The following CEP128 variants were observed in gnomAD, a reference collection of about 807,000 sequenced individuals.
CEP128 encodes centrosomal protein 128, also known as centrosomal protein 128kDa.
Under a neutral mutation model 156.7 loss-of-function variants are expected in CEP128, and 132 were observed. The ratio of observed to expected loss-of-function variants is 0.84; its 90% CI spans 0.73 to 0.97. CEP128 has a LOEUF of 0.97. CEP128 is among the 50% of genes least tolerant of loss of function. The pLI is 0.00. For missense variants in CEP128, 1,252 were observed against 1,281.9 expected (o/e 0.98, Z 0.36); for synonymous variants, 469 against 448.9 (o/e 1.04, Z -0.57).
chr14:80,725,019 GATAT>G (rs563908140), intron 19 of CEP128, among the ~76,000 whole-genome samples: 2 of 138,840 alleles, frequency 1.4e-5, no homozygotes, highest in South Asian at 2.3e-4. Flanking sequence ...ATACATATAT[GATAT>G]ATATATATAT....
At chr14:80,559,118 C>T (rs1406950606) in intron 21 of CEP128, among the ~76,000 whole-genome samples, 161 bp downstream of exon 21, 1 of 151,996 alleles carries the variant, frequency 6.6e-6, no homozygotes, top group Non-Finnish European at 1.5e-5. Context: ...AGTCTATATC[C>T]ACATACCTTT....
chr14:80,557,621 A>C (rs996489125), intron 21 of CEP128, among the ~76,000 whole-genome samples: 5 of 152,208 alleles, frequency 3.3e-5, no homozygotes, highest in Non-Finnish European at 7.4e-5. Flanking sequence ...CAATGTCATC[A>C]TACTGAAACT....
At chr14:80,581,337 G>A (rs1265053242) in intron 19 of CEP128, among the ~76,000 whole-genome samples, 5 of 152,088 alleles carry the variant, frequency 3.3e-5, no homozygotes, top group Non-Finnish European at 7.4e-5. Context: ...TTACATAAAA[G>A]GAAAATATAA....
intron 19 of CEP128, among the ~76,000 whole-genome samples, chr14:80,672,882 T>C (rs1240234482): frequency 6.6e-6 from 1 of 152,180 alleles, no homozygotes; most frequent in African/African-American, 2.4e-5. Flanking sequence ...CATTAAAATT[T>C]GTGAAATTGA....
intron 15 of CEP128, among the ~76,000 whole-genome samples, chr14:80,780,376 T>C (rs1384664286): frequency 1.3e-5 from 2 of 152,122 alleles, no homozygotes; most frequent in African/African-American, 4.8e-5. Context: ...ATTAATAAAA[T>C]GGCATGAAGT....
chr14:80,748,856 C>T (rs2139627745), intron 18 of CEP128, among the ~76,000 whole-genome samples: 1 of 152,242 alleles, frequency 6.6e-6, no homozygotes, highest in East Asian at 1.9e-4. Context: ...AAGTTCCTGA[C>T]TCCAGGCCCT....
chr14:80,678,050 AT>A lies in CEP128; in HGVS notation c.2806+65024del, dbSNP rs1480163151. The stretch of plus-strand genomic sequence containing the variant: ...TGGACAGTTGCTCTATAAAAAAAAA[AT>A]ATATATATATATGTATATATATATA... On this transcript the variant is annotated intron_variant, in intron 19 of 24. Transcript: ENST00000555265. 3.6e-4 allele frequency among the ~76,000 whole-genome samples: 11 copies of A among 30,344 alleles called. No homozygotes were observed. In the South Asian group the frequency reaches 8.3e-3, roughly 23 times the overall value. The allele number at this position is 30,344 out of a possible 152,430, so 19.9% of individuals were successfully genotyped here. A position where few individuals can be genotyped will look rare whatever the true frequency, so the allele number is the denominator to read the frequency against.
At chr14:80,718,838 C>A (rs1332724356) in intron 19 of CEP128, among the ~76,000 whole-genome samples, 1 of 152,186 alleles carries the variant, frequency 6.6e-6, no homozygotes. Context: ...GGGCTTAACA[C>A]CAGCGAACCT....
Position 80,497,459 on chromosome 14 carries a change from AACAAATT to A in CEP128, c.*13_*19del. 1 of 1,507,122 alleles carries A rather than the reference AACAAATT, an allele frequency of 6.6e-7. No individual in the cohort carries two copies. The highest frequency in any genetic ancestry group is 1.1e-5 in the South Asian group (1 of 87,350). 93.4% of individuals were successfully genotyped at this position (1,507,122 alleles called of 1,614,324 possible). On this transcript the variant is annotated 3_prime_UTR_variant, in exon 25 of 25. Transcript: ENST00000555265. ...TATTTGTAACATACTCATGTAAAAT[AACAAATT>A]ACATTTGCTTTTTTAGCTCCCATAT...
At chr14:80,840,605 C>A in intron 10 of CEP128, 77 bp downstream of exon 10, 1 of 867,052 alleles carries the variant, frequency 1.2e-6, no homozygotes, top group South Asian at 1.5e-5. Context: ...ATCCTGGGGA[C>A]ACTTTTCAAG....
Position 80,504,949 on chromosome 14 carries a change from A to G in CEP128, c.3144T>C (p.Ser1048=), listed in dbSNP as rs974147447. 4 of 1,606,698 alleles carry G rather than the reference A, an allele frequency of 2.5e-6. No homozygotes were observed. In the East Asian group the frequency reaches 9.0e-5, roughly 36 times the overall value. Residue 1048 remains serine, a synonymous_variant, in exon 24 of 25, where the codon AGT becomes AGC. Transcript: ENST00000555265. ...AAAATCTTGGACTAGACAGGAAGCG[A>G]CTGTGATCCTGCCAAGAGGATGAGT... ...LDHSSSWQDH[S]RFLSSPRFSY...
At chr14:80,589,012 C>A (rs1027169030) in intron 19 of CEP128, among the ~76,000 whole-genome samples, 3 of 152,008 alleles carry the variant, frequency 2.0e-5, no homozygotes, top group Admixed American at 6.6e-5. Flanking sequence ...AATCAGATAT[C>A]TTTAATATAA....
chr14:80,698,935 T>C (rs1169853578), intron 19 of CEP128, among the ~76,000 whole-genome samples: 1 of 152,170 alleles, frequency 6.6e-6, no homozygotes, highest in Non-Finnish European at 1.5e-5. Context: ...GCAGTAGACC[T>C]GAATAGCCTC....
chr14:80,549,520 T>C (rs1890125168), intron 21 of CEP128, among the ~76,000 whole-genome samples: 1 of 152,346 alleles, frequency 6.6e-6, no homozygotes, highest in Admixed American at 6.5e-5. Context: ...CCTAGCTTGA[T>C]CTTTGGTTTT....
intron 19 of CEP128, among the ~76,000 whole-genome samples, chr14:80,602,306 A>T (rs1455500065): frequency 6.6e-6 from 1 of 152,210 alleles, no homozygotes; most frequent in African/African-American, 2.4e-5. Flanking sequence ...ACAAATAAAC[A>T]TTTGAAGAAA....
intron 20 of CEP128, among the ~76,000 whole-genome samples, chr14:80,579,479 G>T (rs2140441520): frequency 6.6e-6 from 1 of 152,030 alleles, no homozygotes; most frequent in East Asian, 1.9e-4. Context: ...TCTCTTAATG[G>T]GTATACCATC....
At chr14:80,769,420 C>G (rs1412284719) in intron 16 of CEP128, among the ~76,000 whole-genome samples, 1 of 151,822 alleles carries the variant, frequency 6.6e-6, no homozygotes, top group Non-Finnish European at 1.5e-5. Flanking sequence ...TAATGCTATC[C>G]CTCCCCACTC....
chr14:80,569,232 CA>C (rs1179352435), intron 20 of CEP128, among the ~76,000 whole-genome samples: 2 of 152,076 alleles, frequency 1.3e-5, no homozygotes, highest in African/African-American at 2.4e-5. Context: ...AATGGTCCCC[CA>C]AATAATTCCT....
At chr14:80,911,933 C>G (rs1333951829) in intron 4 of CEP128, among the ~76,000 whole-genome samples, 1 of 152,084 alleles carries the variant, frequency 6.6e-6, no homozygotes, top group East Asian at 1.9e-4. Context: ...TAAAACCACT[C>G]CCGGGCAGGG....
Sources: gnomAD v4.1 joint callset for allele counts (sites outside exome capture counted in the v4.1 genomes callset) on GRCh38, gnomAD v4.1.1 for gene constraint, MANE v1.5 for transcripts, NCBI Gene and HGNC (gene_info 2026-07-23, HGNC 2026-07-21) for gene names.